Variants in PKP4 observed in about 807,000 individuals in gnomAD.
PKP4 encodes plakophilin 4.
PKP4 carries 90 observed loss-of-function variants against 145.1 expected under a neutral mutation model. That is an observed-to-expected ratio of 0.62 (90% CI 0.52 to 0.74). PKP4 has a LOEUF of 0.74. PKP4 is among the 30% of genes least tolerant of loss of function. The pLI is 0.00. For synonymous variants in PKP4, 563 were observed against 577.2 expected, an observed-to-expected ratio of 0.98 and a Z score of 0.35; for missense variants, 1,340 against 1,482.7, an observed-to-expected ratio of 0.90 and a Z score of 1.58.
At chr2:158,619,935 ACACACACACG>A (rs945291477) in intron 4 of PKP4, among the ~76,000 whole-genome samples, 1 of 46,286 alleles carries the variant, frequency 2.2e-5, no homozygotes, top group African/African-American at 5.0e-5. Context: ...CCCCAGACAC[ACACACACACG>A]CACACACACA....
At chr2:158,596,026 CTTTT>C (rs11324166) in intron 3 of PKP4, among the ~76,000 whole-genome samples, 1 of 147,838 alleles carries the variant, frequency 6.8e-6, no homozygotes, top group Non-Finnish European at 1.5e-5. Context: ...ATGAGTTTAC[CTTTT>C]TTTTTTTTTT....
chr2:158,492,468 C>A (rs1259762307), intron 1 of PKP4, among the ~76,000 whole-genome samples: 1 of 152,152 alleles, frequency 6.6e-6, no homozygotes, highest in Admixed American at 6.5e-5. Context: ...AACCTGCCTT[C>A]ACTTCCAGAG....
In PKP4 at chr2:158,545,073, CTTTTTTT is replaced by C. The variant is rs386391605; in HGVS notation, c.132+11777_132+11783del. ...GAGCAGGCCTAACCTAAGTCTTTCA[CTTTTTTT>C]TTTTTTTTTTTTTTTTTTTGAGCCA... On this transcript the variant is annotated intron_variant, in intron 2 of 21. Coordinates refer to ENST00000389759, the MANE Select transcript of PKP4 (RefSeq NM_003628.6). Among the ~76,000 whole-genome samples the C allele has an allele frequency of 2.9e-4, 21 of 72,510 alleles. No homozygotes were observed. In the South Asian group the frequency reaches 9.9e-3, roughly 34 times the overall value. The allele number at this position is 72,510 out of a possible 152,430, so 47.6% of individuals were successfully genotyped here.
intron 1 of PKP4, among the ~76,000 whole-genome samples, chr2:158,490,105 T>C (rs1317143772): frequency 1.3e-5 from 2 of 152,174 alleles, no homozygotes; most frequent in Non-Finnish European, 2.9e-5. Flanking sequence ...TTTAAAATAT[T>C]TTCAATTTAA....
chr2:158,518,650 A>G (rs2042116423), intron 1 of PKP4, among the ~76,000 whole-genome samples: 1 of 152,122 alleles, frequency 6.6e-6, no homozygotes, highest in Non-Finnish European at 1.5e-5. Flanking sequence ...TTCCTCTGTC[A>G]TATTTGTTGT....
At chr2:158,598,328 G>C (rs1382405781) in intron 3 of PKP4, among the ~76,000 whole-genome samples, 1 of 152,140 alleles carries the variant, frequency 6.6e-6, no homozygotes, top group Non-Finnish European at 1.5e-5. Context: ...TGGCATGGCA[G>C]AATTACCATG....
Position 158,594,773 on chromosome 2 carries a change from G to A in PKP4, c.246-8297G>A, listed in dbSNP as rs546579310. On this transcript the variant is annotated intron_variant, in intron 3 of 21. Transcript: ENST00000389759. Reference sequence around the variant, plus strand: ...AAAAAATATAGTTAAATACTAAGGAGGATTGCTTTCAGAATATTTTTGCTA... The same window carrying A: ...AAAAAATATAGTTAAATACTAAGGAAGATTGCTTTCAGAATATTTTTGCTA... Among the ~76,000 whole-genome samples, 16 of 152,284 alleles carry A rather than the reference G, an allele frequency of 1.1e-4. No individual in the cohort carries two copies. The South Asian group carries it at 3.3e-3, about 32-fold the overall frequency.
intron 1 of PKP4, among the ~76,000 whole-genome samples, chr2:158,515,674 C>T (rs1178407251): frequency 6.6e-6 from 1 of 152,124 alleles, no homozygotes; most frequent in Non-Finnish European, 1.5e-5. Context: ...TCTACATTTG[C>T]TCATGAATGA....
chr2:158,540,849 A>C (rs1265558467), intron 2 of PKP4, among the ~76,000 whole-genome samples: 1 of 152,180 alleles, frequency 6.6e-6, no homozygotes, highest in Non-Finnish European at 1.5e-5. Flanking sequence ...AAATGATAGA[A>C]TATTTTTCTT....
At chr2:158,551,410 T>C (rs1296114879) in intron 2 of PKP4, among the ~76,000 whole-genome samples, 6 of 152,332 alleles carry the variant, frequency 3.9e-5, no homozygotes, top group Admixed American at 2.0e-4. Context: ...ATTGATCATA[T>C]TGACAGAAAC....
intron 2 of PKP4, among the ~76,000 whole-genome samples, chr2:158,559,277 C>T (rs1185815338): frequency 6.6e-6 from 1 of 151,974 alleles, no homozygotes; most frequent in Non-Finnish European, 1.5e-5. Flanking sequence ...ATCCTTTCTA[C>T]AGCCCCTTTA....
chr2:158,637,694 G>A (rs2053925214), intron 9 of PKP4, among the ~76,000 whole-genome samples: 1 of 152,100 alleles, frequency 6.6e-6, no homozygotes, highest in African/African-American at 2.4e-5. Flanking sequence ...TGTTTTCGAG[G>A]GTCTAAAAAC....
At chr2:158,515,669 A>G (rs754849297) in intron 1 of PKP4, among the ~76,000 whole-genome samples, 3 of 152,166 alleles carry the variant, frequency 2.0e-5, no homozygotes, top group Non-Finnish European at 4.4e-5. Flanking sequence ...TTCCATCTAC[A>G]TTTGCTCATG....
At chr2:158,487,628 G>A (rs759513000) in intron 1 of PKP4, among the ~76,000 whole-genome samples, 2 of 152,160 alleles carry the variant, frequency 1.3e-5, no homozygotes, top group Non-Finnish European at 2.9e-5. Flanking sequence ...AACACATGCT[G>A]AAAGAACTTG....
chr2:158,528,977 T>A (rs1252542130), intron 1 of PKP4, among the ~76,000 whole-genome samples: 1 of 152,202 alleles, frequency 6.6e-6, no homozygotes, highest in Non-Finnish European at 1.5e-5. Flanking sequence ...ACTTGTTTAA[T>A]CTTAGTGTTG....
intron 9 of PKP4, among the ~76,000 whole-genome samples, chr2:158,639,505 T>C (rs2054099896): frequency 6.6e-6 from 1 of 152,196 alleles, no homozygotes; most frequent in South Asian, 2.1e-4. Context: ...TTAAAGATAA[T>C]TTTAAAGGTT....
chr2:158,673,626 G>T, intron 17 of PKP4, 51 bp from the exon 18 acceptor site: 1 of 1,330,356 alleles, frequency 7.5e-7, no homozygotes, highest in Middle Eastern at 2.6e-4. Flanking sequence ...CCTCTGAGTG[G>T]GGCTGAGGCT....
chr2:158,566,620 C>G (rs2047010892), intron 2 of PKP4, among the ~76,000 whole-genome samples: 1 of 152,106 alleles, frequency 6.6e-6, no homozygotes, highest in African/African-American at 2.4e-5. Flanking sequence ...TATATTAATT[C>G]TACCAAATAA....
At chr2:158,644,309 GT>G (rs1574935364) in intron 11 of PKP4, among the ~76,000 whole-genome samples, 1 of 152,200 alleles carries the variant, frequency 6.6e-6, no homozygotes, top group Non-Finnish European at 1.5e-5. Context: ...ATATTTTGTG[GT>G]CTGGGCATGA....
Sources: allele counts gnomAD v4.1 joint callset (sites outside exome capture counted in the v4.1 genomes callset), GRCh38; gene constraint gnomAD v4.1.1; transcripts MANE v1.5; gene names NCBI Gene and HGNC (gene_info 2026-07-23, HGNC 2026-07-21).